FAM161A: variants seen among roughly 807,000 people sequenced by gnomAD.
FAM161A encodes the protein protein FAM161A.
Under a neutral mutation model 70.9 loss-of-function variants are expected in FAM161A, and 57 were observed. That is an observed-to-expected ratio of 0.80 (90% CI 0.65 to 1.00). The LOEUF is 1.00. Among genes scored for constraint, FAM161A ranks in the 50% least tolerant of loss-of-function variants. The pLI is 0.00. For missense variants in FAM161A, 880 were observed against 836.0 expected (o/e 1.05, Z -0.65); for synonymous variants, 299 against 295.7 (o/e 1.01, Z -0.12).
At chr2:61,848,915 T>TA (rs1491344899) in intron 1 of FAM161A, among the ~76,000 whole-genome samples, 1 of 1,558 alleles carries the variant, frequency 6.4e-4, no homozygotes, top group Non-Finnish European at 8.7e-4. Flanking sequence ...TATTTATATA[T>TA]TTATATATAT....
chr2:61,846,485 C>T (rs1348834346), intron 1 of FAM161A, among the ~76,000 whole-genome samples: 1 of 152,096 alleles, frequency 6.6e-6, no homozygotes, highest in African/African-American at 2.4e-5. Flanking sequence ...TCAGATGTGA[C>T]GTCAGGATAC....
intron 5 of FAM161A, chr2:61,835,533 T>G (rs899187131): frequency 5.9e-5 from 9 of 152,630 alleles, no homozygotes; most frequent in African/African-American, 2.2e-4. Context: ...TTTTTAATTC[T>G]TCAAAGACCT....
At chr2:61,833,417 C>A (rs1432789214) in intron 5 of FAM161A, among the ~76,000 whole-genome samples, 1 of 118,406 alleles carries the variant, frequency 8.4e-6, no homozygotes, top group Non-Finnish European at 1.7e-5. Flanking sequence ...CAGAGTGAGA[C>A]TCTGTCTCAA....
At chr2:61,814,544 G>A in the FAM161A span, among the ~76,000 whole-genome samples, 1 of 152,138 alleles carries the variant, frequency 6.6e-6, no homozygotes, top group East Asian at 1.9e-4. Flanking sequence ...ACAAAACTCC[G>A]TCTCTACAAA....
At chr2:61,834,731 G>A (rs1672708366) in intron 5 of FAM161A, among the ~76,000 whole-genome samples, 1 of 152,016 alleles carries the variant, frequency 6.6e-6, no homozygotes, top group Admixed American at 6.6e-5. Flanking sequence ...CCAAAATGCT[G>A]GCTGGGATTA....
chr2:61,832,539 C>T (rs989138786), intron 5 of FAM161A, among the ~76,000 whole-genome samples: 1 of 152,156 alleles, frequency 6.6e-6, no homozygotes, highest in Non-Finnish European at 1.5e-5. Flanking sequence ...CCTAAGATGT[C>T]GTTTATGCCA....
intron 5 of FAM161A, among the ~76,000 whole-genome samples, chr2:61,831,953 T>C (rs1221583719): frequency 6.6e-6 from 1 of 151,930 alleles, no homozygotes; most frequent in Admixed American, 6.6e-5. Context: ...CTCAGAGATA[T>C]AAAAGACAGG....
chr2:61,810,453 C>CTTTTTTT, the FAM161A span, among the ~76,000 whole-genome samples: 11 of 95,616 alleles, frequency 1.2e-4, no homozygotes, highest in Admixed American at 2.3e-4. Context: ...CCAGCACTTC[C>CTTTTTTT]TTTTTTTTTT....
intron 5 of FAM161A, 54 bp downstream of exon 5, chr2:61,835,956 T>C: frequency 1.1e-6 from 1 of 948,144 alleles, no homozygotes; most frequent in Non-Finnish European, 1.6e-6. Flanking sequence ...GAGCTAAAGC[T>C]GTAAAAAAAA....
chr2:61,827,162 TTC>T lies in FAM161A; in HGVS notation c.1946_1947del (p.Gly649GlufsTer4), dbSNP rs773858764. 1.3e-5 allele frequency: 21 copies of T among 1,614,010 alleles called. No individual in the cohort carries two copies. In the South Asian group the frequency reaches 2.3e-4, roughly 18 times the overall value. On this transcript the variant is annotated frameshift_variant, in exon 6 of 7. Transcript: ENST00000404929. LOFTEE classifies it high-confidence loss of function. Reference sequence around the variant, plus strand: ...TGATTGTTGAAGTACTCAAGTACTTTTCCACTTTGGCCTTTCTTTGAAACAAA... The same window carrying T: ...TGATTGTTGAAGTACTCAAGTACTTTCACTTTGGCCTTTCTTTGAAACAAA... ...DEFVSKKGQS[G>X]KVLEYFNNQE...
chr2:61,804,794 G>GAAAGAAAGAAAGAAAGAAAGAA, the FAM161A span, among the ~76,000 whole-genome samples: 5 of 138,944 alleles, frequency 3.6e-5, no homozygotes, highest in South Asian at 1.2e-3. Flanking sequence ...AAGAAAGAAA[G>GAAAGAAAGAAAGAAAGAAAGAA]AAAGAAAGAA....
chr2:61,821,076 A>G (rs551071991), downstream of FAM161A, among the ~76,000 whole-genome samples: 23 of 149,780 alleles, frequency 1.5e-4, no homozygotes, highest in African/African-American at 5.4e-4. Flanking sequence ...TTTCTTAGAC[A>G]AAGTCTTGCT....
chr2:61,841,467 T>C (rs1402996629), intron 2 of FAM161A, among the ~76,000 whole-genome samples: 1 of 152,212 alleles, frequency 6.6e-6, no homozygotes, highest in Non-Finnish European at 1.5e-5. Flanking sequence ...AGTGGAAAAT[T>C]CTGGCCTGCA....
chr2:61,840,481 C>T lies in FAM161A; in HGVS notation c.523G>A (p.Glu175Lys), dbSNP rs1672978969. 6.2e-7 allele frequency: 1 copy of T among 1,613,104 alleles called. No homozygotes were observed. Among genetic ancestry groups the T allele is most frequent in the Non-Finnish European group, 8.5e-7 (1 of 1,179,136 alleles). ...TTTTCTAGGTTGGGTAACTCCTCTT[C>T]AGAGGAGGACACATACAAGGAGGAA... Reference protein sequence around the residue: ...QSSSLYVSSSEEELPNLEKEY... With the variant: ...QSSSLYVSSSKEELPNLEKEY... Residue 175 changes from glutamate to lysine, a missense_variant, in exon 3 of 7, where the codon GAA becomes AAA. Glu to Lys is a moderately conservative substitution (Grantham distance 56, BLOSUM62 1). Transcript: ENST00000404929.
chr2:61,841,831 C>CTTTTTTTTTTTTTTTTTTT (rs1225200442), intron 2 of FAM161A, among the ~76,000 whole-genome samples: 2 of 152,106 alleles, frequency 1.3e-5, no homozygotes, highest in African/African-American at 4.8e-5. Flanking sequence ...TAAAATTAAA[C>CTTTTTTTTTTTTTTTTTTT]TTTTATATTT....
chr2:61,802,985 G>T, the FAM161A span, among the ~76,000 whole-genome samples: 1 of 152,102 alleles, frequency 6.6e-6, no homozygotes, highest in Non-Finnish European at 1.5e-5. Flanking sequence ...AAGAAAGTTC[G>T]AATTCTGGGA....
rs1673031539 is a variant in FAM161A, at chr2:61,841,889, T to A, written c.422+233A>T. On this transcript the variant is annotated intron_variant, in intron 2 of 6. Transcript: ENST00000404929. ...AAGTATTTTGATACATGCCCTCAGT[T>A]CTATGGGTGGGTCAGAAAGAAAAGA... is the stretch of plus-strand genomic sequence containing the variant. 2.6e-5 allele frequency among the ~76,000 whole-genome samples: 4 copies of A among 152,310 alleles called. No homozygotes were observed. In the South Asian group the frequency reaches 8.3e-4, roughly 32 times the overall value.
chr2:61,849,016 TTA>T (rs1188735786), intron 1 of FAM161A, among the ~76,000 whole-genome samples: 1 of 5,268 alleles, frequency 1.9e-4, no homozygotes, highest in African/African-American at 9.2e-4. Flanking sequence ...ATTTATATAT[TTA>T]TATATATTTA....
chr2:61,804,766 AAG>A, the FAM161A span, among the ~76,000 whole-genome samples: 8,525 of 49,902 alleles, frequency 0.17, 335 homozygotes, highest in African/African-American at 0.26. Flanking sequence ...AAGAAAAAGA[AAG>A]AGAAAGAAAG....
Sources: allele counts gnomAD v4.1 joint callset (sites outside exome capture counted in the v4.1 genomes callset), GRCh38; gene constraint gnomAD v4.1.1; transcripts MANE v1.5; gene names NCBI Gene and HGNC (gene_info 2026-07-23, HGNC 2026-07-21).